The following TCF12 variants were observed in gnomAD, a reference collection of about 807,000 sequenced individuals.
TCF12 encodes DNA-binding protein HTF4.
In TCF12, 45 loss-of-function variants were observed where a neutral mutation model predicts 86.0. That is an observed-to-expected ratio of 0.52 (90% CI 0.41 to 0.67). TCF12 has a LOEUF of 0.67. TCF12 is among the 30% of genes least tolerant of loss of function. The pLI is 0.00. For synonymous variants in TCF12, 330 were observed against 299.6 expected, an observed-to-expected ratio of 1.10 and a Z score of -1.05; for missense variants, 881 against 859.9, an observed-to-expected ratio of 1.02 and a Z score of -0.31.
chr15:57,003,374 C>T (rs1352853508), intron 3 of TCF12, among the ~76,000 whole-genome samples: 1 of 152,124 alleles, frequency 6.6e-6, no homozygotes, highest in Non-Finnish European at 1.5e-5. Context: ...ATTGTTGATT[C>T]ATTAACATTG....
chr15:56,977,210 T>C (rs1252149311), intron 3 of TCF12, among the ~76,000 whole-genome samples: 1 of 152,018 alleles, frequency 6.6e-6, no homozygotes, highest in Non-Finnish European at 1.5e-5. Flanking sequence ...GCAGGACATA[T>C]GGGGGAAAAT....
At chr15:57,157,272 T>G (rs1367749642) in intron 5 of TCF12, among the ~76,000 whole-genome samples, 1 of 151,884 alleles carries the variant, frequency 6.6e-6, no homozygotes, top group Admixed American at 6.6e-5. Flanking sequence ...ACATTCATGA[T>G]GGGTTTTTTT....
In TCF12 at chr15:57,251,429, A is replaced by T; in HGVS notation, c.1188+6A>T. The T allele has an allele frequency of 6.2e-7, 1 of 1,613,724 alleles. No individual in the cohort carries two copies. Among genetic ancestry groups the T allele is most frequent in the Non-Finnish European group, 8.5e-7 (1 of 1,179,758 alleles). On this transcript the variant is annotated splice_donor_region_variant and intron_variant, in intron 14 of 20. Transcript: ENST00000333725. ...AAAACTCACTCCACTCCCTGGTAAG[A>T]GCCTCTTATACATCAGTTTTATCTG...
At chr15:57,175,561 A>C (rs554243986) in intron 6 of TCF12, among the ~76,000 whole-genome samples, 3 of 152,368 alleles carry the variant, frequency 2.0e-5, no homozygotes, top group Non-Finnish European at 2.9e-5. Flanking sequence ...AGGATTAATT[A>C]AAACTAGTTG....
intron 3 of TCF12, among the ~76,000 whole-genome samples, chr15:56,931,999 A>G (rs575106690): frequency 6.6e-6 from 1 of 152,320 alleles, no homozygotes; most frequent in Admixed American, 6.5e-5. Flanking sequence ...AAAACATGCC[A>G]TAGTGCCAGG....
chr15:57,120,536 T>C (rs947312970), intron 5 of TCF12, among the ~76,000 whole-genome samples: 1 of 152,248 alleles, frequency 6.6e-6, no homozygotes, highest in Non-Finnish European at 1.5e-5. Flanking sequence ...GCTTTTGTTA[T>C]AGTTGTTTGA....
chr15:56,946,764 T>A (rs1384414450), intron 3 of TCF12, among the ~76,000 whole-genome samples: 1 of 151,990 alleles, frequency 6.6e-6, no homozygotes, highest in African/African-American at 2.4e-5. Flanking sequence ...CTCCAAGAGT[T>A]GTTTTTAAGC....
At chr15:57,290,721 G>T (rs994292315), downstream of TCF12, 2 of 152,174 alleles carry the variant, frequency 1.3e-5, no homozygotes, top group African/African-American at 4.8e-5. Flanking sequence ...TCCCTGTTTT[G>T]GTCAGTTATT....
intron 3 of TCF12, among the ~76,000 whole-genome samples, chr15:56,977,413 A>T (rs1246771455): frequency 6.6e-6 from 1 of 152,130 alleles, no homozygotes; most frequent in Non-Finnish European, 1.5e-5. Context: ...TGTGCCTGTA[A>T]TCCCAGCTAC....
At chr15:57,094,995 CA>C (rs1469784407) in intron 5 of TCF12, among the ~76,000 whole-genome samples, 9 of 152,270 alleles carry the variant, frequency 5.9e-5, no homozygotes, top group African/African-American at 1.9e-4. Flanking sequence ...CAATTTGCAA[CA>C]GAAAGTGTGT....
chr15:57,092,075 A>C (rs551440111), intron 5 of TCF12, 184 bp downstream of exon 5: 2 of 476,716 alleles, frequency 4.2e-6, no homozygotes, highest in East Asian at 3.1e-5. Context: ...TTTGGGGTCT[A>C]CTCTTAAAGC....
At chr15:57,217,251 T>A (rs1436091266) in intron 8 of TCF12, among the ~76,000 whole-genome samples, 5 of 152,200 alleles carry the variant, frequency 3.3e-5, no homozygotes, top group African/African-American at 7.2e-5. Flanking sequence ...ATAAACTGAT[T>A]AGGTTTGTGC....
intron 6 of TCF12, among the ~76,000 whole-genome samples, chr15:57,169,636 G>A (rs963688112): frequency 5.3e-5 from 8 of 152,046 alleles, no homozygotes; most frequent in Non-Finnish European, 1.2e-4. Context: ...ATTTTTAAGA[G>A]ACCTAAATGT....
chr15:57,229,496 C>T (rs2059033710), intron 8 of TCF12, among the ~76,000 whole-genome samples: 1 of 123,138 alleles, frequency 8.1e-6, no homozygotes, highest in Non-Finnish European at 1.9e-5. Context: ...ACCTGAATGC[C>T]AGTCCATTTA....
chr15:57,074,748 C>G (rs1368862110), intron 4 of TCF12, among the ~76,000 whole-genome samples: 4 of 152,164 alleles, frequency 2.6e-5, no homozygotes, highest in Non-Finnish European at 5.9e-5. Flanking sequence ...AACCCACATT[C>G]TTATGAATGT....
At chr15:57,272,044 T>A (rs904938438) in intron 18 of TCF12, among the ~76,000 whole-genome samples, 2 of 152,228 alleles carry the variant, frequency 1.3e-5, no homozygotes, top group Admixed American at 1.3e-4. Flanking sequence ...TAGAAGTTCA[T>A]GTAAATGGAA....
At chr15:56,998,562 C>G (rs1404725593) in intron 3 of TCF12, among the ~76,000 whole-genome samples, 2 of 151,650 alleles carry the variant, frequency 1.3e-5, no homozygotes, top group Non-Finnish European at 2.9e-5. Context: ...TACATTCTTT[C>G]CAAGTACAGA....
rs533412516 is a variant in TCF12 at position 57,128,669 on chromosome 15, G to A, written c.325+36778G>A. Among the ~76,000 whole-genome samples, 29 of 152,256 alleles carry A rather than the reference G, an allele frequency of 1.9e-4. No individual in the cohort carries two copies. In the East Asian group the frequency reaches 2.9e-3, roughly 15 times the overall value. On this transcript the variant is annotated intron_variant, in intron 5 of 20. Transcript: ENST00000333725. The stretch of plus-strand genomic sequence containing the variant: ...TTTGGTTACCCCATGAGGAAACCCC[G>A]TACCTATTAGAAGTCAATTCCTATT...
rs557980333 is a variant in TCF12 at position 57,092,853 on chromosome 15, G to A, written c.325+962G>A. On this transcript the variant is annotated intron_variant, in intron 5 of 20. Transcript: ENST00000333725. Reference sequence around the variant, plus strand: ...TGACCTATATTGTGATCTTAGAATCGTCCTTTTAAGACACAGCCATACTAA... The same window carrying A: ...TGACCTATATTGTGATCTTAGAATCATCCTTTTAAGACACAGCCATACTAA... Among the ~76,000 whole-genome samples the A allele has an allele frequency of 5.9e-5, 9 of 152,064 alleles. No individual in the cohort carries two copies. In the East Asian group the frequency reaches 1.2e-3, roughly 20 times the overall value.
Sources: allele counts gnomAD v4.1 joint callset (sites outside exome capture counted in the v4.1 genomes callset), GRCh38; gene constraint gnomAD v4.1.1; transcripts MANE v1.5; gene names NCBI Gene and HGNC (gene_info 2026-07-23, HGNC 2026-07-21).